MOCOS: variants seen among roughly 807,000 people sequenced by gnomAD.
MOCOS encodes the protein human molybdenum cofactor sulfurase.
MOCOS carries 86 observed loss-of-function variants against 83.6 expected under a neutral mutation model. The ratio of observed to expected loss-of-function variants is 1.03; its 90% confidence interval spans 0.86 to 1.23. The LOEUF is 1.23. Ranked by LOEUF, MOCOS falls within the 50% of genes most tolerant of loss-of-function variation. MOCOS has a pLI of 0.00. For synonymous variants in MOCOS, 445 were observed against 434.7 expected (o/e 1.02, Z -0.29); for missense variants, 1,120 against 1,126.9 (o/e 0.99, Z 0.09).
At position 36,260,468 on chromosome 18, in the gene MOCOS, T is replaced by C. The variant is rs1203789857; in HGVS notation, c.2409+293T>C. Among the ~76,000 whole-genome samples the C allele has an allele frequency of 5.3e-5, 8 of 152,326 alleles. No individual in the cohort carries two copies. In the East Asian group the frequency reaches 1.5e-3, roughly 29 times the overall value. On this transcript the variant is annotated intron_variant, in intron 13 of 14. Coordinates refer to ENST00000261326, the MANE Select transcript of MOCOS (RefSeq NM_017947.4). ...ATGTCCAGACTTAAACTCTGGTTTT[T>C]TGGAATGCTTGTGTCATGAGACTGT...
intron 9 of MOCOS, among the ~76,000 whole-genome samples, chr18:36,232,778 A>G (rs2091543137): frequency 6.6e-6 from 1 of 152,010 alleles, no homozygotes; most frequent in African/African-American, 2.4e-5. Flanking sequence ...TTTACTTAAC[A>G]TAATGTCCTT....
intron 6 of MOCOS, among the ~76,000 whole-genome samples, chr18:36,206,947 C>T (rs1184082713): frequency 6.6e-6 from 1 of 152,144 alleles, no homozygotes; most frequent in African/African-American, 2.4e-5. Flanking sequence ...TGAAGATATG[C>T]ATGCATTTGC....
intron 13 of MOCOS, among the ~76,000 whole-genome samples, chr18:36,261,084 GC>G (rs1159509241): frequency 1.4e-4 from 21 of 152,080 alleles, no homozygotes; most frequent in Admixed American, 7.2e-4. Context: ...CAGAGTCAGT[GC>G]TCAATAAGTA....
chr18:36,240,524 A>G (rs1280693556), intron 9 of MOCOS, among the ~76,000 whole-genome samples: 1 of 150,094 alleles, frequency 6.7e-6, no homozygotes, highest in Non-Finnish European at 1.5e-5. Flanking sequence ...TGGGAGAACC[A>G]CTATTCTCTT....
At position 36,193,355 on chromosome 18, in the gene MOCOS, A is replaced by AAT. The variant is rs2091374271; in HGVS notation, c.143-1902_143-1901insAT. ...AAAAAAAAAAAAAAAAAAAAAAAAA[A>AAT]GTTACAGAATGAGGACAGTGTGATA... On this transcript the variant is annotated intron_variant, in intron 1 of 14. Coordinates refer to ENST00000261326, the MANE Select transcript of MOCOS (RefSeq NM_017947.4). 3.4e-5 allele frequency among the ~76,000 whole-genome samples: 5 copies of AAT among 145,754 alleles called. No homozygotes were observed. In the East Asian group the frequency reaches 6.7e-4, roughly 19 times the overall value.
intron 3 of MOCOS, among the ~76,000 whole-genome samples, chr18:36,199,154 T>C (rs760748445): frequency 6.6e-6 from 1 of 152,190 alleles, no homozygotes; most frequent in Non-Finnish European, 1.5e-5. Context: ...TTTTTTCCCT[T>C]TTCCCCCCTT....
At chr18:36,193,303 G>A (rs539523611) in intron 1 of MOCOS, among the ~76,000 whole-genome samples, 73 of 102,084 alleles carry the variant, frequency 7.2e-4, no homozygotes, top group Non-Finnish European at 1.1e-3. Context: ...GGGCGACAGA[G>A]CGAGACTCCG....
rs1382679557 is a variant in MOCOS at position 36,238,770 on chromosome 18, A to C, written c.1961-10152A>C. On this transcript the variant is annotated intron_variant, in intron 9 of 14. Coordinates refer to ENST00000261326, the MANE Select transcript of MOCOS (RefSeq NM_017947.4). ...CCCATTATTAATGTGTGGGAGTCTA[A>C]GTCTCTTTGTAGGTCACTCAGGACT... Among the ~76,000 whole-genome samples the C allele has an allele frequency of 5.2e-5, 6 of 114,358 alleles. 1 individual carries two copies. The highest frequency in any genetic ancestry group is 1.2e-4 in the Non-Finnish European group (6 of 49,988). The allele number at this position is 114,358 out of a possible 152,430, so 75.0% of individuals were successfully genotyped here. A position where few individuals can be genotyped will look rare whatever the true frequency, so the allele number is the denominator to read the frequency against.
intron 9 of MOCOS, among the ~76,000 whole-genome samples, chr18:36,247,230 T>C (rs2144135738): frequency 6.6e-6 from 1 of 152,316 alleles, no homozygotes. Flanking sequence ...CTGAGGTTTC[T>C]GTACAGGCAT....
At chr18:36,241,014 C>T (rs528553740) in intron 9 of MOCOS, among the ~76,000 whole-genome samples, 14 of 152,320 alleles carry the variant, frequency 9.2e-5, no homozygotes, top group South Asian at 2.1e-4. Context: ...CGTGCACCCA[C>T]TGACCTGCAC....
chr18:36,250,208 A>G (rs1223298321), intron 10 of MOCOS, among the ~76,000 whole-genome samples: 6 of 152,130 alleles, frequency 3.9e-5, no homozygotes, highest in Admixed American at 3.9e-4. Context: ...ATAATAAAAA[A>G]CCTTCAGAGT....
At chr18:36,246,225 T>C (rs575609338) in intron 9 of MOCOS, among the ~76,000 whole-genome samples, 1 of 152,324 alleles carries the variant, frequency 6.6e-6, no homozygotes, top group African/African-American at 2.4e-5. Context: ...CCAGAATGAC[T>C]TTTCTGGTTA....
At chr18:36,233,668 T>C (rs2091547017) in intron 9 of MOCOS, among the ~76,000 whole-genome samples, 1 of 152,198 alleles carries the variant, frequency 6.6e-6, no homozygotes, top group South Asian at 2.1e-4. Context: ...TGTAAAGTGT[T>C]CCCTTTTCAC....
chr18:36,249,848 G>C (rs2144138897), intron 10 of MOCOS, among the ~76,000 whole-genome samples: 1 of 152,284 alleles, frequency 6.6e-6, no homozygotes, highest in South Asian at 2.1e-4. Context: ...CTAAAACCTA[G>C]CTTTCAGGTG....
At position 36,215,341 on chromosome 18, in the gene MOCOS, G is replaced by C. The variant is rs757566126; in HGVS notation, c.1336-175G>C. ...TTGAGCAAAATGAGATCCAGAAAGT[G>C]GTCCCCTGCAGGTAGAGAGCTGAAC... On this transcript the variant is annotated intron_variant, in intron 7 of 14. Coordinates refer to ENST00000261326, the MANE Select transcript of MOCOS (RefSeq NM_017947.4). 3.3e-4 allele frequency among the ~76,000 whole-genome samples: 50 copies of C among 152,138 alleles called. 1 individual carries two copies. Among genetic ancestry groups the C allele is most frequent in the Non-Finnish European group, 3.5e-4 (24 of 68,024 alleles).
At chr18:36,255,007 T>C (rs1257057574) in intron 11 of MOCOS, among the ~76,000 whole-genome samples, 1 of 152,190 alleles carries the variant, frequency 6.6e-6, no homozygotes, top group East Asian at 1.9e-4. Context: ...ACTACAGGCA[T>C]GAGCCTTTGC....
At chr18:36,232,479 T>G (rs1466709845) in intron 9 of MOCOS, among the ~76,000 whole-genome samples, 1 of 152,204 alleles carries the variant, frequency 6.6e-6, no homozygotes, top group Non-Finnish European at 1.5e-5. Context: ...ATTTATCATT[T>G]CTTTGTGTTG....
chr18:36,242,952 C>A (rs186856523), intron 9 of MOCOS, among the ~76,000 whole-genome samples: 1 of 152,166 alleles, frequency 6.6e-6, no homozygotes, highest in Non-Finnish European at 1.5e-5. Context: ...TTTCTTTCAG[C>A]AGTGTTTTAT....
At chr18:36,206,873 C>A in intron 6 of MOCOS, among the ~76,000 whole-genome samples, 1 of 152,136 alleles carries the variant, frequency 6.6e-6, no homozygotes, top group Non-Finnish European at 1.5e-5. Context: ...TTTCTTTAAC[C>A]AGTCTACCAC....
Sources: gnomAD v4.1 joint callset for allele counts (sites outside exome capture counted in the v4.1 genomes callset) on GRCh38, gnomAD v4.1.1 for gene constraint, MANE v1.5 for transcripts, NCBI Gene and HGNC (gene_info 2026-07-23, HGNC 2026-07-21) for gene names.